Variants in CEP164 observed in about 807,000 individuals in gnomAD.
CEP164 encodes centrosomal protein of 164 kDa.
A neutral mutation model predicts 182.7 loss-of-function variants in CEP164; 162 were observed. That is an observed-to-expected ratio of 0.89 (90% CI 0.78 to 1.01). CEP164 has a LOEUF of 1.01. Among genes scored for constraint, CEP164 ranks in the 50% least tolerant of loss-of-function variants. The pLI is 0.00. For missense variants in CEP164, 1,735 were observed against 1,790.4 expected (o/e 0.97, Z 0.56); for synonymous variants, 661 against 690.0 (o/e 0.96, Z 0.66).
intron 9 of CEP164, 109 bp downstream of exon 9, chr11:117,371,575 A>G: frequency 7.4e-7 from 1 of 1,351,346 alleles, no homozygotes; most frequent in Non-Finnish European, 9.9e-7. Flanking sequence ...CAGGAGCTTC[A>G]TTTGCGTGTC....
chr11:117,350,971 A>G (rs189427491), intron 4 of CEP164, among the ~76,000 whole-genome samples: 1 of 152,294 alleles, frequency 6.6e-6, no homozygotes, highest in East Asian at 1.9e-4. Context: ...GATTCTTGAA[A>G]TATACCTCCT....
At chr11:117,397,053 G>T in intron 26 of CEP164, 38 bp from the exon 27 acceptor site, 1 of 1,579,584 alleles carries the variant, frequency 6.3e-7, no homozygotes, top group South Asian at 1.2e-5. Context: ...AGAGTTCTTA[G>T]AGGCTTCTGT....
At chr11:117,404,114 G>C (rs1048984194) in intron 27 of CEP164, among the ~76,000 whole-genome samples, 19 of 151,976 alleles carry the variant, frequency 1.3e-4, no homozygotes, top group African/African-American at 4.4e-4. Context: ...CTTTAGTTCA[G>C]AGGAGTTTGT....
intron 3 of CEP164, among the ~76,000 whole-genome samples, chr11:117,341,948 G>C (rs2038188079): frequency 6.6e-6 from 1 of 152,058 alleles, no homozygotes; most frequent in South Asian, 2.1e-4. Flanking sequence ...TTGAGATGGA[G>C]TTTCACTCTT....
chr11:117,342,955 C>T (rs960207586), intron 3 of CEP164, among the ~76,000 whole-genome samples: 4 of 152,104 alleles, frequency 2.6e-5, no homozygotes, highest in African/African-American at 9.7e-5. Flanking sequence ...AGGCTCATTG[C>T]TGGCTGTCTC....
upstream of CEP164, chr11:117,323,903 T>G (rs2035338378): frequency 2.5e-6 from 1 of 396,598 alleles, no homozygotes; most frequent in South Asian, 1.8e-5. Flanking sequence ...TTTTGAGAAA[T>G]GTCTTTTAAG....
chr11:117,401,094 G>A (rs1456950499), intron 27 of CEP164, among the ~76,000 whole-genome samples: 1 of 152,140 alleles, frequency 6.6e-6, no homozygotes, highest in Non-Finnish European at 1.5e-5. Context: ...TCCAGTTTTT[G>A]TCCATTCAGT....
At chr11:117,393,624 C>G (rs2045026217) in intron 20 of CEP164, among the ~76,000 whole-genome samples, 2 of 152,184 alleles carry the variant, frequency 1.3e-5, no homozygotes, top group South Asian at 4.1e-4. Context: ...AGTAGAAGAG[C>G]TAGGATTCAA....
At position 117,408,056 on chromosome 11, in the gene CEP164, C is replaced by T. The variant is rs141703134; in HGVS notation, c.3609+24C>T. 1.7e-5 allele frequency: 25 copies of T among 1,504,110 alleles called. No individual in the cohort carries two copies. In the East Asian group the frequency reaches 5.0e-4, roughly 30 times the overall value. 93.2% of individuals were successfully genotyped at this position (1,504,110 alleles called of 1,614,324 possible). A position where few individuals can be genotyped will look rare whatever the true frequency, so the allele number is the denominator to read the frequency against. On this transcript the variant is annotated intron_variant, in intron 28 of 32. Transcript: ENST00000278935. ...AGGTGCAGCCCCATGTCCACATAGT[C>T]CAGTGGGCCCTGGCCTTCCTCTTCT...
rs1322982920 is a variant in CEP164, at chr11:117,383,092, G to A, written c.1724+150G>A. On this transcript the variant is annotated intron_variant, in intron 14 of 32. Transcript: ENST00000278935. ...ATTAAGCATATCCTTGGTGCTCTGT[G>A]TGCAGCCTTGAGAGCCCCACACAGG... 10 of 924,370 alleles carry A rather than the reference G, an allele frequency of 1.1e-5. No individual in the cohort carries two copies. In the Admixed American group the frequency reaches 2.0e-4, roughly 19 times the overall value. 57.3% of individuals were successfully genotyped at this position (924,370 alleles called of 1,614,324 possible). A position where few individuals can be genotyped will look rare whatever the true frequency, so the allele number is the denominator to read the frequency against.
intron 27 of CEP164, among the ~76,000 whole-genome samples, chr11:117,404,502 G>A (rs2046460542): frequency 6.6e-6 from 1 of 152,230 alleles, no homozygotes; most frequent in Admixed American, 6.5e-5. Context: ...AGCAAAGATT[G>A]CTGCCTTTTC....
At chr11:117,333,539 T>A (rs2036547307) in intron 1 of CEP164, among the ~76,000 whole-genome samples, 1 of 152,168 alleles carries the variant, frequency 6.6e-6, no homozygotes, top group Admixed American at 6.5e-5. Flanking sequence ...CATTCCTCTC[T>A]CTTTTTTGAG....
intron 8 of CEP164, among the ~76,000 whole-genome samples, chr11:117,368,601 G>A (rs1400279088): frequency 6.6e-6 from 1 of 152,202 alleles, no homozygotes; most frequent in Non-Finnish European, 1.5e-5. Context: ...TGGCCAGGGT[G>A]GGTTGGCCCT....
At chr11:117,322,610 G>A (rs554971742) in intron 1 of CEP164, among the ~76,000 whole-genome samples, 11 of 151,556 alleles carry the variant, frequency 7.3e-5, no homozygotes, top group African/African-American at 2.7e-4. Flanking sequence ...AAGCTGGAGT[G>A]CATGGCACGA....
intron 27 of CEP164, among the ~76,000 whole-genome samples, chr11:117,400,303 T>TGGC (rs1205485847): frequency 2.0e-5 from 3 of 152,192 alleles, no homozygotes; most frequent in Admixed American, 2.0e-4. Context: ...TGTAGATGTG[T>TGGC]GGCGCTATTT....
chr11:117,382,724 C>T, intron 13 of CEP164, 72 bp from the exon 14 acceptor site: 4 of 1,543,446 alleles, frequency 2.6e-6, no homozygotes, highest in Non-Finnish European at 3.5e-6. Flanking sequence ...TCTTTGACCC[C>T]AAATGGCGTA....
chr11:117,336,747 T>C, intron 2 of CEP164: 1 of 640,048 alleles, frequency 1.6e-6, no homozygotes, highest in Non-Finnish European at 2.8e-6. Flanking sequence ...TCATCCTTGC[T>C]GCTCCAGGAG....
At chr11:117,343,433 G>A (rs1323612198) in intron 3 of CEP164, among the ~76,000 whole-genome samples, 1 of 152,124 alleles carries the variant, frequency 6.6e-6, no homozygotes, top group African/African-American at 2.4e-5. Flanking sequence ...AAGGAGCTTA[G>A]TCACTTGTAG....
At chr11:117,343,023 A>G (rs543272582) in intron 3 of CEP164, among the ~76,000 whole-genome samples, 1 of 151,992 alleles carries the variant, frequency 6.6e-6, no homozygotes, top group Non-Finnish European at 1.5e-5. Context: ...CTATAGGCAC[A>G]TGCCACCATG....
Sources: gnomAD v4.1 joint callset for allele counts (sites outside exome capture counted in the v4.1 genomes callset) on GRCh38, gnomAD v4.1.1 for gene constraint, MANE v1.5 for transcripts, NCBI Gene and HGNC (gene_info 2026-07-23, HGNC 2026-07-21) for gene names.